NCAM1: variants seen among roughly 807,000 people sequenced by gnomAD.
NCAM1 encodes antigen recognized by monoclonal antibody 5.1H11.
A neutral mutation model predicts 109.8 loss-of-function variants in NCAM1; 14 were observed. The observed-to-expected ratio is 0.13, with a 90% CI of 0.08 to 0.20. The LOEUF (loss-of-function observed/expected upper bound fraction) is 0.20, where lower values mean the gene tolerates loss of function less well. Among genes scored for constraint, NCAM1 ranks in the 10% least tolerant of loss-of-function variants. The probability of loss-of-function intolerance (pLI) is 1.00; values close to 1 mark genes in which losing one functional copy is unlikely to be tolerated. For synonymous variants in NCAM1, 418 were observed against 442.9 expected (o/e 0.94, Z 0.70); for missense variants, 774 against 1,109.9 (o/e 0.70, Z 4.30).
intron 1 of NCAM1, among the ~76,000 whole-genome samples, chr11:113,095,341 T>A (rs1939547573): frequency 1.3e-5 from 2 of 152,214 alleles, no homozygotes; most frequent in South Asian, 4.1e-4. Flanking sequence ...TATATGTATG[T>A]GCTTATCTAA....
intron 1 of NCAM1, among the ~76,000 whole-genome samples, chr11:113,080,851 CAG>C (rs1938777600): frequency 1.3e-5 from 2 of 152,284 alleles, no homozygotes; most frequent in Non-Finnish European, 2.9e-5. Context: ...ATTAAGGGAA[CAG>C]AGTGCAGTGG....
At position 113,024,687 on chromosome 11, in the gene NCAM1, T is replaced by C. The variant is rs569207272; in HGVS notation, c.52+63023T>C. Among the ~76,000 whole-genome samples, 16 of 152,300 alleles carry C rather than the reference T, an allele frequency of 1.1e-4. 1 individual carries two copies. The South Asian group carries it at 2.3e-3, about 22-fold the overall frequency. ...TGGGGATTATGAAACTTCAGACTTA[T>C]GGTATGGTGAAAAAAAAGAAAAAAA... On this transcript the variant is annotated intron_variant, in intron 1 of 19. Transcript: ENST00000316851.
intron 1 of NCAM1, among the ~76,000 whole-genome samples, chr11:113,180,223 T>C (rs1204765462): frequency 1.3e-5 from 2 of 152,184 alleles, no homozygotes; most frequent in East Asian, 3.8e-4. Flanking sequence ...CACTCAGAGG[T>C]TGCAGAGAAC....
chr11:112,989,634 A>C (rs1334088346), intron 1 of NCAM1, among the ~76,000 whole-genome samples: 2 of 151,990 alleles, frequency 1.3e-5, no homozygotes, highest in African/African-American at 2.4e-5. Flanking sequence ...TTAGGAGTTG[A>C]TTGTTGGAGC....
Position 113,273,372 on chromosome 11 carries a change from A to C in NCAM1, c.2456+1496A>C. On this transcript the variant is annotated intron_variant, in intron 19 of 19. Coordinates refer to ENST00000316851, the MANE Select transcript of NCAM1 (RefSeq NM_181351.5). The surrounding 1 kb of genome is among the most constrained non-coding windows in gnomAD (Gnocchi z 6.0). ...CACCCCTGCACCAGTCCCCACCCCG[A>C]CTGGGGCAGCCAGTCCTCTAGCAGC... The C allele has an allele frequency of 3.1e-6, 1 of 326,472 alleles. No individual in the cohort carries two copies. The highest frequency in any genetic ancestry group is 8.2e-5 in the East Asian group (1 of 12,192). The allele number at this position is 326,472 out of a possible 1,614,324, so 20.2% of individuals were successfully genotyped here. A position where few individuals can be genotyped will look rare whatever the true frequency, so the allele number is the denominator to read the frequency against.
intron 1 of NCAM1, among the ~76,000 whole-genome samples, chr11:113,005,903 T>C (rs561722224): frequency 2.6e-5 from 4 of 152,328 alleles, no homozygotes; most frequent in African/African-American, 7.2e-5. Flanking sequence ...TGATTTTTTT[T>C]CCCCTTGAAA....
chr11:112,962,104 G>C lies in NCAM1; in HGVS notation c.52+440G>C, dbSNP rs903469231. Among the ~76,000 whole-genome samples, 1 of 152,206 alleles carries C rather than the reference G, an allele frequency of 6.6e-6. No homozygotes were observed. The highest frequency in any genetic ancestry group is 6.5e-5 in the Admixed American group (1 of 15,288). ...GGCTTGTCAGCCCCGGCTCCGGGAA[G>C]AGTGAACAATAAGGCTAGGGCAGCC... is the stretch of plus-strand genomic sequence containing the variant. On this transcript the variant is annotated intron_variant, in intron 1 of 19. Coordinates refer to ENST00000316851, the MANE Select transcript of NCAM1 (RefSeq NM_181351.5). This position sits in a 1 kb window ranked among gnomAD's most constrained non-coding sequence, Gnocchi z 5.6.
At chr11:113,137,918 G>A (rs1030364781) in intron 1 of NCAM1, among the ~76,000 whole-genome samples, 3 of 152,134 alleles carry the variant, frequency 2.0e-5, no homozygotes, top group Non-Finnish European at 4.4e-5. Flanking sequence ...CGACAAGGGA[G>A]GGGCAAGACA....
intron 15 of NCAM1, among the ~76,000 whole-genome samples, chr11:113,250,197 G>C (rs782688829): frequency 4.6e-5 from 7 of 152,156 alleles, no homozygotes; most frequent in African/African-American, 1.7e-4. Context: ...TACACTGCCC[G>C]GCTGTTCTTC....
chr11:113,159,936 G>A (rs1942544617), intron 1 of NCAM1, among the ~76,000 whole-genome samples: 1 of 145,064 alleles, frequency 6.9e-6, no homozygotes, highest in South Asian at 2.2e-4. Flanking sequence ...GTAGCTTTTA[G>A]CAATGTGATT....
chr11:113,133,931 G>A (rs1456928394), intron 1 of NCAM1: 2 of 151,890 alleles, frequency 1.3e-5, no homozygotes, highest in East Asian at 3.9e-4. Context: ...TTTTGTATCT[G>A]CTAATCACAT....
chr11:113,199,446 T>A (rs1943964998), intron 1 of NCAM1, among the ~76,000 whole-genome samples: 1 of 152,162 alleles, frequency 6.6e-6, no homozygotes, highest in Non-Finnish European at 1.5e-5. Flanking sequence ...TGTGCTGCAG[T>A]GGAAAACATC....
At chr11:113,080,307 A>C (rs1344544512) in intron 1 of NCAM1, among the ~76,000 whole-genome samples, 1 of 152,192 alleles carries the variant, frequency 6.6e-6, no homozygotes, top group Admixed American at 6.5e-5. Flanking sequence ...ATCTTTCCCC[A>C]AAGTCTGAAA....
At chr11:113,140,561 C>T (rs1469559707) in intron 1 of NCAM1, among the ~76,000 whole-genome samples, 4 of 152,288 alleles carry the variant, frequency 2.6e-5, no homozygotes, top group Middle Eastern at 3.4e-3. Flanking sequence ...TGCATTGCTT[C>T]GGAGTCAAGC....
intron 1 of NCAM1, among the ~76,000 whole-genome samples, chr11:113,150,075 A>T (rs1555102158): frequency 5.9e-5 from 9 of 152,208 alleles, no homozygotes. Flanking sequence ...GCTAGTTTAG[A>T]ACTGAAAGGA....
chr11:113,267,423 G>A (rs1946154335), intron 17 of NCAM1, among the ~76,000 whole-genome samples: 1 of 151,628 alleles, frequency 6.6e-6, no homozygotes, highest in South Asian at 2.1e-4. Context: ...TTGGCTGGAG[G>A]TGCCACACTA....
intron 1 of NCAM1, among the ~76,000 whole-genome samples, chr11:113,000,847 T>TATATATATATAC (rs1306306918): frequency 6.2e-5 from 7 of 113,574 alleles, no homozygotes; most frequent in African/African-American, 2.5e-4. Flanking sequence ...TATATATATA[T>TATATATATATAC]ACACAAAAAA....
At chr11:113,236,699 G>A (rs1165428698) in intron 14 of NCAM1, among the ~76,000 whole-genome samples, 2 of 152,186 alleles carry the variant, frequency 1.3e-5, no homozygotes, top group African/African-American at 4.8e-5. Context: ...CCGGGAAAGT[G>A]ACCACAGCCC....
chr11:113,000,673 T>G (rs2134973399), intron 1 of NCAM1, among the ~76,000 whole-genome samples: 1 of 151,990 alleles, frequency 6.6e-6, no homozygotes, highest in African/African-American at 2.4e-5. Context: ...TTGATGGATC[T>G]TTGGGTGTTC....
Sources: allele counts gnomAD v4.1 joint callset (sites outside exome capture counted in the v4.1 genomes callset), GRCh38; gene constraint gnomAD v4.1.1; non-coding constraint Gnocchi (gnomAD v3.1); transcripts MANE v1.5; gene names NCBI Gene and HGNC (gene_info 2026-07-23, HGNC 2026-07-21).